HDGFL3: variants seen among roughly 807,000 people sequenced by gnomAD.
HDGFL3 encodes the protein HDGF like 3, also known as hepatoma-derived growth factor-related protein 3.
A neutral mutation model predicts 27.6 loss-of-function variants in HDGFL3; 6 were observed. The ratio of observed to expected loss-of-function variants is 0.22; its 90% CI spans 0.12 to 0.43. The LOEUF (loss-of-function observed/expected upper bound fraction) is 0.43. Ranked by LOEUF, HDGFL3 falls within the 20% of genes least tolerant of loss-of-function variation. The pLI, the probability that HDGFL3 is intolerant of heterozygous loss-of-function variation, is 1.00. For missense variants in HDGFL3, 207 were observed against 250.1 expected, an observed-to-expected ratio of 0.83 and a Z score of 1.16; for synonymous variants, 88 against 88.9, an observed-to-expected ratio of 0.99 and a Z score of 0.05.
rs558116952 is a variant in HDGFL3, at chr15:83,169,524, A to T, written c.85-5449T>A. On this transcript the variant is annotated intron_variant, in intron 1 of 5. Coordinates refer to ENST00000299633, the MANE Select transcript of HDGFL3 (RefSeq NM_016073.4). ...GTCTGTATCTTAAAAACCCTAGGCC[A>T]GGCACGGTGGCTCACGCCTGTAATC... is the stretch of plus-strand genomic sequence containing the variant. Among the ~76,000 whole-genome samples, 6 of 150,894 alleles carry T rather than the reference A, an allele frequency of 4.0e-5. No individual in the cohort carries two copies. The South Asian group carries it at 1.1e-3, about 27-fold the overall frequency.
At position 83,130,461 on chromosome 15, in the gene HDGFL3, G is replaced by A. The variant is rs2036151938; in HGVS notation, c.*8809C>T. The A allele has an allele frequency of 6.6e-6, 1 of 152,246 alleles. No homozygotes were observed. The highest frequency in any genetic ancestry group is 1.5e-5 in the Non-Finnish European group (1 of 68,088). The allele number at this position is 152,246 out of a possible 1,614,324, so 9.4% of individuals were successfully genotyped here. On this transcript the variant is annotated 3_prime_UTR_variant, in exon 6 of 6. Coordinates refer to ENST00000299633, the MANE Select transcript of HDGFL3 (RefSeq NM_016073.4). ...TTATCCATCACTGCCCAGTTGATAA[G>A]GCAGCCTGAAGCCCCTCTCTTGATG... is the stretch of plus-strand genomic sequence containing the variant.
chr15:83,117,205 G>A (rs1418575731), intron 3 of HDGFL3, among the ~76,000 whole-genome samples: 2 of 152,200 alleles, frequency 1.3e-5, no homozygotes, highest in Non-Finnish European at 2.9e-5. Context: ...AGAAGGGACA[G>A]CTTGGGCAAA....
chr15:83,200,385 C>T (rs1010587603), intron 1 of HDGFL3, among the ~76,000 whole-genome samples: 1 of 151,846 alleles, frequency 6.6e-6, no homozygotes, highest in African/African-American at 2.4e-5. Context: ...ACTCAGAAAT[C>T]AAGATGGGTA....
chr15:83,137,928 G>A lies in HDGFL3; in HGVS notation c.*1342C>T, dbSNP rs1375755795. 2.6e-5 allele frequency: 4 copies of A among 151,580 alleles called. No individual in the cohort carries two copies. The highest frequency in any genetic ancestry group is 4.4e-5 in the Non-Finnish European group (3 of 67,912). 9.4% of individuals were successfully genotyped at this position (151,580 alleles called of 1,614,324 possible). On this transcript the variant is annotated 3_prime_UTR_variant, in exon 6 of 6. Coordinates refer to ENST00000299633, the MANE Select transcript of HDGFL3 (RefSeq NM_016073.4). ...CCACTGGGCTGGTAAATATGTAAGTGTAAGCAAATCATGTAGTCATCTCCC... is the reference window on the plus strand; with the variant it reads ...CCACTGGGCTGGTAAATATGTAAGTATAAGCAAATCATGTAGTCATCTCCC...
intron 1 of HDGFL3, among the ~76,000 whole-genome samples, chr15:83,164,367 C>CAAAAAAAAAAA (rs869303457): frequency 0.02 from 758 of 38,372 alleles, 5 homozygotes; most frequent in East Asian, 0.028. Context: ...TTAGAGTAAC[C>CAAAAAAAAAAA]AAAAAAAAAA....
At chr15:83,125,277 T>C (rs1055179776), downstream of HDGFL3, among the ~76,000 whole-genome samples, 1 of 152,076 alleles carries the variant, frequency 6.6e-6, no homozygotes, top group Non-Finnish European at 1.5e-5. Flanking sequence ...ACGCCTGGAG[T>C]CTTTGTATTG....
At chr15:83,156,684 T>C (rs2037034022) in intron 4 of HDGFL3, among the ~76,000 whole-genome samples, 1 of 152,154 alleles carries the variant, frequency 6.6e-6, no homozygotes, top group South Asian at 2.1e-4. Flanking sequence ...ATGACAAAAT[T>C]GCCTAATGAT....
At chr15:83,202,098 A>G (rs1163283287) in intron 1 of HDGFL3, among the ~76,000 whole-genome samples, 2 of 152,204 alleles carry the variant, frequency 1.3e-5, no homozygotes. Context: ...AAAAAACCTG[A>G]AAGTGCTATG....
chr15:83,116,048 C>T (rs573189998), intron 3 of HDGFL3: 12 of 850,474 alleles, frequency 1.4e-5, no homozygotes, highest in East Asian at 2.5e-5. Flanking sequence ...AGGTACGCTA[C>T]GCAGGCTTTC....
chr15:83,207,387 T>G lies in HDGFL3; in HGVS notation c.28A>C (p.Lys10Gln). MARPRPREY[K>Q]AGDLVFAKMK... ...TTGGCGAAGACCAGGTCGCCCGCTT[T>G]GTACTCGCGGGGCCGCGGACGCGCC... The change falls in exon 1 of 6, where the codon AAA (lysine) becomes CAA (glutamine). Residue 10 changes from lysine to glutamine, a missense_variant. Coordinates refer to ENST00000299633, the MANE Select transcript of HDGFL3 (RefSeq NM_016073.4). This position sits in a 1 kb window ranked among gnomAD's most constrained non-coding sequence, Gnocchi z 4.8. 1 of 1,379,788 alleles carries G rather than the reference T, an allele frequency of 7.2e-7. No individual in the cohort carries two copies. 85.5% of individuals were successfully genotyped at this position (1,379,788 alleles called of 1,614,324 possible). A position where few individuals can be genotyped will look rare whatever the true frequency, so the allele number is the denominator to read the frequency against.
chr15:83,188,397 T>A (rs1001091503), intron 1 of HDGFL3, among the ~76,000 whole-genome samples: 1 of 152,150 alleles, frequency 6.6e-6, no homozygotes, highest in Non-Finnish European at 1.5e-5. Flanking sequence ...ACTACAGGTG[T>A]GCACCACCAC....
At chr15:83,165,869 G>C (rs189494447) in intron 1 of HDGFL3, among the ~76,000 whole-genome samples, 6 of 150,084 alleles carry the variant, frequency 4.0e-5, no homozygotes, top group African/African-American at 1.5e-4. Flanking sequence ...CTTGAAGACC[G>C]GTCTTTTGAA....
chr15:83,165,062 G>A (rs924221391), intron 1 of HDGFL3, among the ~76,000 whole-genome samples: 2 of 152,148 alleles, frequency 1.3e-5, no homozygotes, highest in African/African-American at 4.8e-5. Context: ...CTTCTGAGAC[G>A]GCATCAGGCA....
At chr15:83,187,887 C>CA (rs748482520) in intron 1 of HDGFL3, among the ~76,000 whole-genome samples, 23,059 of 74,790 alleles carry the variant, frequency 0.31, 2,623 homozygotes, top group Non-Finnish European at 0.34. Context: ...AACTCTGTCT[C>CA]AAAAAAAAAA....
chr15:83,134,989 G>A lies in HDGFL3; in HGVS notation c.*4281C>T, dbSNP rs928172673. 6 of 152,188 alleles carry A rather than the reference G, an allele frequency of 3.9e-5. No individual in the cohort carries two copies. The highest frequency in any genetic ancestry group is 1.4e-4 in the African/African-American group (6 of 41,436). 9.4% of individuals were successfully genotyped at this position (152,188 alleles called of 1,614,324 possible). On this transcript the variant is annotated 3_prime_UTR_variant, in exon 6 of 6. Transcript: ENST00000299633. Reference sequence around the variant, plus strand: ...GCCCAGAGATGCATATACATTTGCTGGGTTCTGCCTGGGCATCTACCCAGG... The same window carrying A: ...GCCCAGAGATGCATATACATTTGCTAGGTTCTGCCTGGGCATCTACCCAGG...
downstream of HDGFL3, chr15:83,127,307 G>A (rs2035857397): frequency 3.3e-6 from 5 of 1,523,142 alleles, no homozygotes; most frequent in Non-Finnish European, 4.4e-6. Flanking sequence ...TTTTAGTCAG[G>A]CCAAGTTAAC....
chr15:83,187,887 CAA>C (rs748482520), intron 1 of HDGFL3, among the ~76,000 whole-genome samples: 48 of 75,500 alleles, frequency 6.4e-4, no homozygotes, highest in African/African-American at 9.7e-4. Flanking sequence ...AACTCTGTCT[CAA>C]AAAAAAAAAA....
In HDGFL3 at chr15:83,157,572, G is replaced by A. The variant is rs11546524; in HGVS notation, c.302C>T (p.Ala101Val). Reference sequence around the variant, plus strand: ...TTCTGAAGAGCTCTGTTGCTGAATTGCCTAAGAAATAATAAAATATTAGCT... The same window carrying A: ...TTCTGAAGAGCTCTGTTGCTGAATTACCTAAGAAATAATAAAATATTAGCT... Reference protein sequence around the residue: ...NPGVKFTGYQAIQQQSSSETE... With the variant: ...NPGVKFTGYQVIQQQSSSETE... The change falls in exon 4 of 6, where the codon GCA (alanine) becomes GTA (valine). Residue 101 changes from alanine to valine, a missense_variant and splice_region_variant. Ala to Val is a moderately conservative substitution (Grantham distance 64). Transcript: ENST00000299633. 1.9e-6 allele frequency: 3 copies of A among 1,606,946 alleles called. No homozygotes were observed. The highest frequency in any genetic ancestry group is 2.5e-6 in the Non-Finnish European group (3 of 1,177,676).
chr15:83,204,138 C>T (rs1034171492), intron 1 of HDGFL3, among the ~76,000 whole-genome samples: 1 of 151,068 alleles, frequency 6.6e-6, no homozygotes, highest in African/African-American at 2.4e-5. Flanking sequence ...CTTTCGTAGG[C>T]ACTGTTCTAT....
Sources: gnomAD v4.1 joint callset for allele counts (sites outside exome capture counted in the v4.1 genomes callset) on GRCh38, gnomAD v4.1.1 for gene constraint, Gnocchi (gnomAD v3.1) non-coding constraint, MANE v1.5 for transcripts, NCBI Gene and HGNC (gene_info 2026-07-23, HGNC 2026-07-21) for gene names.